GNG4: variants seen among roughly 807,000 people sequenced by gnomAD.
GNG4 encodes the protein G protein subunit gamma 4.
A neutral mutation model predicts 5.8 loss-of-function variants in GNG4; 4 were observed. The ratio of observed to expected loss-of-function variants is 0.69; its 90% CI spans 0.34 to 1.57. The LOEUF is 1.57. GNG4 is among the 40% of genes most tolerant of loss of function. The pLI, the probability that GNG4 is intolerant of heterozygous loss-of-function variation, is 0.06. For synonymous variants in GNG4, 29 were observed against 32.9 expected, an observed-to-expected ratio of 0.88 and a Z score of 0.41; for missense variants, 96 against 95.1, an observed-to-expected ratio of 1.01 and a Z score of -0.04.
At chr1:235,571,370 A>G (rs977103309) in intron 3 of GNG4, among the ~76,000 whole-genome samples, 1 of 152,144 alleles carries the variant, frequency 6.6e-6, no homozygotes, top group African/African-American at 2.4e-5. Context: ...ATCTTCATAG[A>G]CCTCAGTTTC....
chr1:235,619,157 A>ATT (rs1449288359), intron 1 of GNG4, among the ~76,000 whole-genome samples: 1 of 106,274 alleles, frequency 9.4e-6, no homozygotes, highest in South Asian at 2.9e-4. Flanking sequence ...AAAAAAAAAA[A>ATT]TTTATATATA....
At chr1:235,606,626 G>C (rs567616354) in intron 1 of GNG4, among the ~76,000 whole-genome samples, 78 of 152,264 alleles carry the variant, frequency 5.1e-4, no homozygotes, top group African/African-American at 1.7e-3. Flanking sequence ...GTTCACATAG[G>C]GCCAGGCTGA....
chr1:235,647,855 C>T (rs1364329480), intron 1 of GNG4, among the ~76,000 whole-genome samples: 5 of 152,170 alleles, frequency 3.3e-5, no homozygotes, highest in Non-Finnish European at 5.9e-5. Flanking sequence ...AGGCCGGTAT[C>T]GGACTCCTGA....
intron 1 of GNG4, among the ~76,000 whole-genome samples, chr1:235,632,903 G>T (rs1688963409): frequency 6.6e-6 from 1 of 152,124 alleles, no homozygotes; most frequent in South Asian, 2.1e-4. Flanking sequence ...ACTATTCAAA[G>T]AAAATTGCTT....
upstream of GNG4, among the ~76,000 whole-genome samples, chr1:235,650,194 C>T (rs896462662): frequency 7.0e-6 from 1 of 142,084 alleles, no homozygotes; most frequent in African/African-American, 2.6e-5. Flanking sequence ...GCCCCGCCCC[C>T]CCGGAGCCCG....
chr1:235,593,344 C>T (rs1252563116), intron 2 of GNG4, among the ~76,000 whole-genome samples: 2 of 152,220 alleles, frequency 1.3e-5, no homozygotes, highest in Admixed American at 1.3e-4. Context: ...GTTCCATCCC[C>T]AGTGCTTCTG....
chr1:235,587,091 G>C (rs927963912), intron 2 of GNG4, among the ~76,000 whole-genome samples: 1 of 151,818 alleles, frequency 6.6e-6, no homozygotes. Context: ...AAGGGAGGAG[G>C]GGAGGGCTCT....
At chr1:235,597,621 TGTGTGTG>T (rs1558491485) in intron 1 of GNG4, among the ~76,000 whole-genome samples, 4 of 110,732 alleles carry the variant, frequency 3.6e-5, no homozygotes, top group East Asian at 2.1e-4. Context: ...TGTGTGTGTG[TGTGTGTG>T]TATTTTTTTT....
intron 2 of GNG4, among the ~76,000 whole-genome samples, chr1:235,589,969 A>AG (rs1220765311): frequency 6.6e-5 from 10 of 152,174 alleles, no homozygotes; most frequent in African/African-American, 2.2e-4. Context: ...AACACTTCAC[A>AG]GGTCAGTAGA....
intron 1 of GNG4, among the ~76,000 whole-genome samples, chr1:235,645,752 G>A (rs527979303): frequency 6.9e-6 from 1 of 144,100 alleles, no homozygotes; most frequent in African/African-American, 2.6e-5. Context: ...AGCCAAGATC[G>A]TGCCATTGCT....
At chr1:235,599,045 G>A (rs11585051) in intron 1 of GNG4, among the ~76,000 whole-genome samples, 74,727 of 151,860 alleles carry the variant, frequency 0.49, 18,677 homozygotes, top group Middle Eastern at 0.56. Flanking sequence ...TGCTTTTAAT[G>A]TGCAGCCGCG....
At chr1:235,605,465 G>A (rs1006812520) in intron 1 of GNG4, among the ~76,000 whole-genome samples, 8 of 152,256 alleles carry the variant, frequency 5.3e-5, no homozygotes, top group South Asian at 4.1e-4. Context: ...GTGAGCCACC[G>A]TGCCTGGCCC....
chr1:235,591,549 G>A (rs1687964495), intron 2 of GNG4, among the ~76,000 whole-genome samples: 1 of 152,222 alleles, frequency 6.6e-6, no homozygotes, highest in South Asian at 2.1e-4. Context: ...GCCTTTCTGA[G>A]ACTGTCTGGA....
At chr1:235,557,309 C>A (rs1225043479) in intron 3 of GNG4, among the ~76,000 whole-genome samples, 1 of 152,208 alleles carries the variant, frequency 6.6e-6, no homozygotes, top group African/African-American at 2.4e-5. Context: ...CCATCCAGTG[C>A]ACACGAGGAG....
chr1:235,635,234 A>T (rs1354556587), intron 1 of GNG4, among the ~76,000 whole-genome samples: 1 of 152,046 alleles, frequency 6.6e-6, no homozygotes, highest in Non-Finnish European at 1.5e-5. Context: ...TCCAAATCTC[A>T]TATTAAAATG....
intron 2 of GNG4, among the ~76,000 whole-genome samples, chr1:235,594,419 A>C (rs2481093): frequency 1.3e-5 from 2 of 152,012 alleles, no homozygotes; most frequent in East Asian, 3.9e-4. Context: ...TGCCAGTCCC[A>C]TGCCATGCGC....
chr1:235,585,571 G>C (rs893311829), intron 2 of GNG4, among the ~76,000 whole-genome samples: 1 of 152,070 alleles, frequency 6.6e-6, no homozygotes, highest in Non-Finnish European at 1.5e-5. Flanking sequence ...ATACATTTTA[G>C]AAAGCACCAC....
intron 1 of GNG4, among the ~76,000 whole-genome samples, chr1:235,630,965 C>G (rs940226087): frequency 4.0e-5 from 6 of 151,694 alleles, no homozygotes; most frequent in Non-Finnish European, 5.9e-5. Flanking sequence ...GTGGCACGAT[C>G]TCGGCTCACT....
chr1:235,596,264 G>A (rs924072037), intron 1 of GNG4, among the ~76,000 whole-genome samples: 38 of 145,540 alleles, frequency 2.6e-4, no homozygotes, highest in African/African-American at 9.9e-4. Context: ...CTGGCCGGGC[G>A]CAGGGGCTTA....
Sources: allele counts gnomAD v4.1 joint callset (sites outside exome capture counted in the v4.1 genomes callset), GRCh38; gene constraint gnomAD v4.1.1; transcripts MANE v1.5; gene names NCBI Gene and HGNC (gene_info 2026-07-23, HGNC 2026-07-21).